The following ABCC8 variants were observed in gnomAD, a reference collection of about 807,000 sequenced individuals.
The protein encoded by ABCC8 is ATP-binding cassette sub-family C member 8.
A neutral mutation model predicts 188.0 loss-of-function variants in ABCC8; 137 were observed. The ratio of observed to expected loss-of-function variants is 0.73; its 90% CI spans 0.63 to 0.84. The LOEUF (loss-of-function observed/expected upper bound fraction) is 0.84, where lower values mean the gene tolerates loss of function less well. Among genes scored for constraint, ABCC8 ranks in the 40% least tolerant of loss-of-function variants. The probability of loss-of-function intolerance (pLI) is 0.00; values close to 1 mark genes in which losing one functional copy is unlikely to be tolerated. For missense variants in ABCC8, 1,750 were observed against 2,072.7 expected, an observed-to-expected ratio of 0.84 and a Z score of 3.02; for synonymous variants, 797 against 846.5, an observed-to-expected ratio of 0.94 and a Z score of 1.01.
chr11:17,443,141 G>A (rs1956388094), intron 9 of ABCC8, 37 bp downstream of exon 9: 2 of 1,610,264 alleles, frequency 1.2e-6, no homozygotes, highest in Admixed American at 1.7e-5. Flanking sequence ...GGAAGGAGGG[G>A]AAGAGGGACA....
intron 28 of ABCC8, 128 bp from the exon 29 acceptor site, chr11:17,402,881 A>C: frequency 3.4e-6 from 4 of 1,168,348 alleles, no homozygotes; most frequent in Non-Finnish European, 5.0e-6. Flanking sequence ...TCAGCTTCTT[A>C]CCCCGTGAAG....
chr11:17,422,893 C>T (rs1023196767), intron 16 of ABCC8, among the ~76,000 whole-genome samples: 1 of 152,040 alleles, frequency 6.6e-6, no homozygotes, highest in African/African-American at 2.4e-5. Flanking sequence ...ACACCATCAC[C>T]CCTGCCTGGA....
chr11:17,469,982 C>A lies in ABCC8; in HGVS notation c.412+119G>T, dbSNP rs1409497901. 5 of 1,336,074 alleles carry A rather than the reference C, an allele frequency of 3.7e-6. No individual in the cohort carries two copies. The East Asian group carries it at 1.2e-4, about 32-fold the overall frequency. 82.8% of individuals were successfully genotyped at this position (1,336,074 alleles called of 1,614,324 possible). Reference sequence around the variant, plus strand: ...GCTCCATGAAGGCAGGGATTTTTTTCTTTTTCTATTCCAAATCTCTACTGT... The same window carrying A: ...GCTCCATGAAGGCAGGGATTTTTTTATTTTTCTATTCCAAATCTCTACTGT... On this transcript the variant is annotated intron_variant, in intron 3 of 38. Coordinates refer to ENST00000389817, the MANE Select transcript of ABCC8 (RefSeq NM_000352.6).
At chr11:17,445,966 CTTTTTT>C (rs66845960) in intron 8 of ABCC8, among the ~76,000 whole-genome samples, 1 of 134,274 alleles carries the variant, frequency 7.4e-6, no homozygotes, top group East Asian at 2.2e-4. Flanking sequence ...AACCTGATTT[CTTTTTT>C]TTTTTTTTTT....
intron 3 of ABCC8, among the ~76,000 whole-genome samples, chr11:17,469,501 G>A (rs1367848129): frequency 6.6e-6 from 1 of 152,048 alleles, no homozygotes; most frequent in East Asian, 1.9e-4. Flanking sequence ...GGCTGTCTCT[G>A]TGACATCTCA....
At chr11:17,420,282 G>A (rs974115659) in intron 16 of ABCC8, among the ~76,000 whole-genome samples, 25 of 152,144 alleles carry the variant, frequency 1.6e-4, no homozygotes, top group African/African-American at 5.6e-4. Flanking sequence ...TCTGAGACAG[G>A]AAAGGTAGGG....
intron 34 of ABCC8, 36 bp from the exon 35 acceptor site, chr11:17,395,754 G>A (rs1371833134): frequency 6.4e-7 from 1 of 1,552,426 alleles, no homozygotes; most frequent in Admixed American, 2.0e-5. Flanking sequence ...GGGGAAGGCG[G>A]TGACTGCTGG....
At chr11:17,452,075 A>G (rs938289780) in intron 7 of ABCC8, among the ~76,000 whole-genome samples, 3 of 152,222 alleles carry the variant, frequency 2.0e-5, no homozygotes, top group African/African-American at 7.2e-5. Flanking sequence ...TGAAGAATAA[A>G]CAAACTTCTA....
chr11:17,475,688 T>G (rs1345834943), intron 1 of ABCC8, among the ~76,000 whole-genome samples: 1 of 152,262 alleles, frequency 6.6e-6, no homozygotes, highest in Non-Finnish European at 1.5e-5. Context: ...ACTGTCTTTG[T>G]TAATAACTAG....
chr11:17,434,299 T>C (rs553526931), intron 10 of ABCC8, among the ~76,000 whole-genome samples: 1 of 152,272 alleles, frequency 6.6e-6, no homozygotes, highest in South Asian at 2.1e-4. Context: ...AGCCAAAAAA[T>C]AGGCTGAGTG....
At position 17,406,874 on chromosome 11, in the gene ABCC8, G is replaced by T; in HGVS notation, c.3162+14C>A. On this transcript the variant is annotated intron_variant, in intron 25 of 38. Coordinates refer to ENST00000389817, the MANE Select transcript of ABCC8 (RefSeq NM_000352.6). ...TCCCCACTCCCAACCTCTGCCATGG[G>T]CCGCCAGTCACACCTGGCTGAGGGA... The T allele has an allele frequency of 6.2e-7, 1 of 1,614,096 alleles. No homozygotes were observed. Among genetic ancestry groups the T allele is most frequent in the Non-Finnish European group, 8.5e-7 (1 of 1,180,044 alleles).
intron 10 of ABCC8, among the ~76,000 whole-genome samples, chr11:17,441,287 CTT>C (rs1956306813): frequency 1.3e-5 from 2 of 152,120 alleles, no homozygotes. Flanking sequence ...AGTTAAGAGA[CTT>C]TGGAGGATCT....
intron 6 of ABCC8, among the ~76,000 whole-genome samples, chr11:17,459,890 C>T (rs1425825200): frequency 6.6e-6 from 1 of 152,160 alleles, no homozygotes; most frequent in Non-Finnish European, 1.5e-5. Context: ...TCTAATAAGT[C>T]TCCAGTGTTT....
At chr11:17,411,026 C>T (rs953405977) in intron 21 of ABCC8, among the ~76,000 whole-genome samples, 6 of 152,222 alleles carry the variant, frequency 3.9e-5, no homozygotes, top group Non-Finnish European at 7.3e-5. Flanking sequence ...ATTCCAGGTT[C>T]CCAGGAAGCC....
chr11:17,464,568 G>C (rs1848031450), intron 3 of ABCC8, among the ~76,000 whole-genome samples: 1 of 152,214 alleles, frequency 6.6e-6, no homozygotes, highest in East Asian at 1.9e-4. Context: ...AGCATTTAGT[G>C]CAGTGAGCCT....
At position 17,404,687 on chromosome 11, in the gene ABCC8, G is replaced by A. The variant is rs1490883778; in HGVS notation, c.3400-18C>T. 1.9e-6 allele frequency: 3 copies of A among 1,590,462 alleles called. No homozygotes were observed. Among genetic ancestry groups the A allele is most frequent in the East Asian group, 2.3e-5 (1 of 43,614 alleles). The stretch of plus-strand genomic sequence containing the variant: ...GGGATGTGCTGAGGGAGACGAGGGG[G>A]AGAGAGTGAGGTGAATTTTGGTATT... On this transcript the variant is annotated intron_variant, in intron 27 of 38. Coordinates refer to ENST00000389817, the MANE Select transcript of ABCC8 (RefSeq NM_000352.6). This position sits in a 1 kb window ranked among gnomAD's most constrained non-coding sequence, Gnocchi z 4.7.
chr11:17,435,995 G>A, intron 10 of ABCC8: 1 of 1,556,296 alleles, frequency 6.4e-7, no homozygotes, highest in Middle Eastern at 2.1e-4. Flanking sequence ...GCCATGGGAA[G>A]AGACCAACTG....
chr11:17,401,524 G>C (rs1435374499), intron 29 of ABCC8, among the ~76,000 whole-genome samples: 1 of 152,196 alleles, frequency 6.6e-6, no homozygotes, highest in Non-Finnish European at 1.5e-5. Flanking sequence ...GGGGGGAGGA[G>C]ATGTAAGCCT....
At chr11:17,455,002 G>A (rs1345749653) in intron 6 of ABCC8, among the ~76,000 whole-genome samples, 1 of 152,174 alleles carries the variant, frequency 6.6e-6, no homozygotes, top group African/African-American at 2.4e-5. Context: ...CTGTCCCACT[G>A]TCCTCTGCAG....
Sources: gnomAD v4.1 joint callset for allele counts (sites outside exome capture counted in the v4.1 genomes callset) on GRCh38, gnomAD v4.1.1 for gene constraint, Gnocchi (gnomAD v3.1) non-coding constraint, MANE v1.5 for transcripts, NCBI Gene and HGNC (gene_info 2026-07-23, HGNC 2026-07-21) for gene names.